Variants in ARL10 observed in about 807,000 individuals in gnomAD.
ARL10 encodes the protein ARF like GTPase 10, also known as ADP-ribosylation factor-like protein 10.
ARL10 carries 23 observed loss-of-function variants against 26.1 expected under a neutral mutation model. The observed-to-expected ratio is 0.88, with a 90% confidence interval of 0.63 to 1.25. The LOEUF (loss-of-function observed/expected upper bound fraction) is 1.25, where lower values mean the gene tolerates loss of function less well. ARL10 is among the 50% of genes most tolerant of loss of function. ARL10 has a pLI of 0.00. For synonymous variants in ARL10, 138 were observed against 149.1 expected (o/e 0.93, Z 0.54); for missense variants, 300 against 323.6 (o/e 0.93, Z 0.56).
At chr5:176,388,478 C>T (rs1756075719) in exon 2 of ARL10, 2 of 1,614,124 alleles carry the variant, frequency 1.2e-6, no homozygotes, top group South Asian at 1.1e-5. Flanking sequence ...CCGGTTCAGA[C>T]GCTTTCGGTT....
downstream of ARL10, chr5:176,388,847 G>A (rs753924522): frequency 3.1e-6 from 5 of 1,614,114 alleles, no homozygotes; most frequent in Non-Finnish European, 4.2e-6. Flanking sequence ...TGTGATTCCG[G>A]AGGTCCCCTT....
At chr5:176,391,596 A>G (rs1256514175), downstream of ARL10, among the ~76,000 whole-genome samples, 1 of 152,230 alleles carries the variant, frequency 6.6e-6, no homozygotes, top group Non-Finnish European at 1.5e-5. Context: ...TCAGTGATAA[A>G]GCGAGACCCT....
At chr5:176,367,068 C>T (rs1207929631) in intron 2 of ARL10, among the ~76,000 whole-genome samples, 1 of 134,780 alleles carries the variant, frequency 7.4e-6, no homozygotes, top group Non-Finnish European at 1.5e-5. Flanking sequence ...AGTGCAATGG[C>T]GCTGTCTCGG....
At position 176,388,198 on chromosome 5, in the gene ARL10, AAAG is replaced by A. The variant is rs765915681; in HGVS notation, c.37-92_37-90del. The A allele has an allele frequency of 5.1e-5, 75 of 1,463,932 alleles. No homozygotes were observed. The African/African-American group carries it at 7.2e-4, about 14-fold the overall frequency. The allele number at this position is 1,463,932 out of a possible 1,614,324, so 90.7% of individuals were successfully genotyped here. On this transcript the variant is annotated intron_variant, in intron 1 of 1. Coordinates refer to the ARL10 transcript ENST00000503175. ...TAGGTCAGTATGGCGGGGGAAGAGT[AAAG>A]AAGACAAGGACCGAGACCCTGCCAT...
At chr5:176,409,550 A>G in the ARL10 span, among the ~76,000 whole-genome samples, 1 of 151,666 alleles carries the variant, frequency 6.6e-6, no homozygotes, top group Non-Finnish European at 1.5e-5. Flanking sequence ...AGTAGCTGGA[A>G]TTACAGGCAC....
downstream of ARL10, chr5:176,388,988 T>G: frequency 6.2e-7 from 1 of 1,612,920 alleles, no homozygotes; most frequent in Non-Finnish European, 8.5e-7. Flanking sequence ...GTGGGTGCGG[T>G]AGGAACTGCA....
At chr5:176,385,950 G>A (rs993193923), downstream of ARL10, 4 of 152,540 alleles carry the variant, frequency 2.6e-5, no homozygotes, top group Admixed American at 6.5e-5. Flanking sequence ...TGAAGTAGTC[G>A]AATCATATCC....
chr5:176,411,539 C>G, the ARL10 span, among the ~76,000 whole-genome samples: 3 of 152,182 alleles, frequency 2.0e-5, no homozygotes, highest in Admixed American at 6.5e-5. Context: ...CTTCCTATTC[C>G]TCCTGCAGTA....
chr5:176,368,715 G>A lies in ARL10; in HGVS notation c.386-92G>A, dbSNP rs1768418435. ...GGGCCCGGGGTGGGGTGGGGGCTGT[G>A]GGCAGTGAGCGGGGGCCCGGGGTGG... On this transcript the variant is annotated intron_variant, in intron 2 of 3. Transcript: ENST00000310389. The surrounding 1 kb of genome is among the most constrained non-coding windows in gnomAD (Gnocchi z 4.1). 2 of 1,373,152 alleles carry A rather than the reference G, an allele frequency of 1.5e-6. No individual in the cohort carries two copies. The highest frequency in any genetic ancestry group is 3.0e-5 in the African/African-American group (2 of 66,720). The allele number at this position is 1,373,152 out of a possible 1,614,324, so 85.1% of individuals were successfully genotyped here. A position where few individuals can be genotyped will look rare whatever the true frequency, so the allele number is the denominator to read the frequency against.
At chr5:176,391,674 A>T (rs962302880), downstream of ARL10, among the ~76,000 whole-genome samples, 1 of 152,218 alleles carries the variant, frequency 6.6e-6, no homozygotes, top group Non-Finnish European at 1.5e-5. Flanking sequence ...GGCAATGTGC[A>T]AACAGCCACC....
At chr5:176,371,667 G>A (rs1768551369) in intron 3 of ARL10, 55 bp from the exon 4 acceptor site, 2 of 1,487,758 alleles carry the variant, frequency 1.3e-6, no homozygotes, top group Non-Finnish European at 9.3e-7. Flanking sequence ...CGACAAGGGT[G>A]TCAGTGTGTT....
At chr5:176,409,152 T>C in the ARL10 span, among the ~76,000 whole-genome samples, 11 of 152,100 alleles carry the variant, frequency 7.2e-5, no homozygotes, top group African/African-American at 2.4e-4. Context: ...AATTTTGTAT[T>C]TTTAGTAGAG....
intron 3 of ARL10, among the ~76,000 whole-genome samples, chr5:176,369,718 G>A (rs764914657): frequency 9.9e-5 from 15 of 152,068 alleles, no homozygotes; most frequent in Non-Finnish European, 1.6e-4. Context: ...CACTTTGAGA[G>A]GCCAAGGAAG....
At position 176,372,647 on chromosome 5, in the gene ARL10, G is replaced by T. The variant is rs76938905; in HGVS notation, c.*752G>T. ...CCACCAAACAGAAAAAGTGAAGGCT[G>T]GGTTTTTCCCCTCTAATCTGGAGAC... On this transcript the variant is annotated 3_prime_UTR_variant, in exon 4 of 4. Coordinates refer to ENST00000310389, the MANE Select transcript of ARL10 (RefSeq NM_173664.6). 1,007 of 352,076 alleles carry T rather than the reference G, an allele frequency of 2.9e-3. 12 individuals carry two copies. The highest frequency in any genetic ancestry group is 0.019 in the African/African-American group (904 of 47,818). 21.8% of individuals were successfully genotyped at this position (352,076 alleles called of 1,614,324 possible). A position where few individuals can be genotyped will look rare whatever the true frequency, so the allele number is the denominator to read the frequency against.
At chr5:176,384,989 T>C (rs1755715184), downstream of ARL10, 1 of 575,936 alleles carries the variant, frequency 1.7e-6, no homozygotes, top group Non-Finnish European at 3.1e-6. Flanking sequence ...AAAAACACCA[T>C]GCGAGCAAAA....
chr5:176,391,598 C>T (rs371370208), downstream of ARL10, among the ~76,000 whole-genome samples: 2 of 152,102 alleles, frequency 1.3e-5, no homozygotes, highest in African/African-American at 2.4e-5. Flanking sequence ...AGTGATAAAG[C>T]GAGACCCTGT....
downstream of ARL10, chr5:176,392,425 T>A: frequency 4.7e-6 from 1 of 214,540 alleles, no homozygotes; most frequent in Non-Finnish European, 9.3e-6. This position sits in a 1 kb window ranked among gnomAD's most constrained non-coding sequence, Gnocchi z 5.2. Flanking sequence ...GGGAAAGTTC[T>A]AAGCACAAAC....
At chr5:176,389,408 A>C (rs745765668), downstream of ARL10, 62 of 1,614,154 alleles carry the variant, frequency 3.8e-5, no homozygotes, top group Middle Eastern at 1.6e-4. Flanking sequence ...CTCTCAGCTC[A>C]TGATGCGCAC....
chr5:176,388,351 C>T, exon 2 of ARL10: 2 of 1,613,826 alleles, frequency 1.2e-6, no homozygotes. Context: ...GAGCTACCGG[C>T]AAAGAGAGAC....
Sources: allele counts gnomAD v4.1 joint callset (sites outside exome capture counted in the v4.1 genomes callset), GRCh38; gene constraint gnomAD v4.1.1; non-coding constraint Gnocchi (gnomAD v3.1); transcripts MANE v1.5; gene names NCBI Gene and HGNC (gene_info 2026-07-23, HGNC 2026-07-21).